Variants in DRC7 observed in about 807,000 individuals in gnomAD.
DRC7 encodes dynein regulatory complex subunit 7.
Under a neutral mutation model 104.4 loss-of-function variants are expected in DRC7, and 80 were observed. The observed-to-expected ratio is 0.77, with a 90% confidence interval of 0.64 to 0.92. The LOEUF is 0.92. DRC7 is among the 40% of genes least tolerant of loss of function. The probability of loss-of-function intolerance (pLI) is 0.00; values close to 1 mark genes in which losing one functional copy is unlikely to be tolerated. For missense variants in DRC7, 1,034 were observed against 1,141.1 expected, an observed-to-expected ratio of 0.91 and a Z score of 1.35; for synonymous variants, 405 against 447.3, an observed-to-expected ratio of 0.91 and a Z score of 1.19.
chr16:57,730,787 A>T (rs2049052936), intron 17 of DRC7, 144 bp from the exon 18 acceptor site: 4 of 795,510 alleles, frequency 5.0e-6, no homozygotes, highest in Non-Finnish European at 8.0e-6. Flanking sequence ...CCTCTGTGGC[A>T]GGTATGGATA....
At position 57,718,433 on chromosome 16, in the gene DRC7, AGAC is replaced by A; in HGVS notation, c.1168_1170del (p.Asp390del). The A allele has an allele frequency of 3.7e-6, 6 of 1,614,168 alleles. No individual in the cohort carries two copies. The highest frequency in any genetic ancestry group is 5.1e-6 in the Non-Finnish European group (6 of 1,180,004). Reference sequence around the variant, plus strand: ...AGTCTCAGCTGTCCTTGACTGAAGAAGACGACAGTGGGATAAACGATGAGGATG... The same window carrying A: ...AGTCTCAGCTGTCCTTGACTGAAGAAGACAGTGGGATAAACGATGAGGATG... On this transcript the variant is annotated inframe_deletion, in exon 9 of 19. Coordinates refer to ENST00000360716, the MANE Select transcript of DRC7 (RefSeq NM_001289162.2).
At chr16:57,707,025 C>T (rs1028020595) in intron 7 of DRC7, among the ~76,000 whole-genome samples, 9 of 152,172 alleles carry the variant, frequency 5.9e-5, no homozygotes, top group Non-Finnish European at 1.2e-4. Flanking sequence ...TCTTTCCTTT[C>T]CTTCCATAGA....
At chr16:57,718,510 G>T (rs1243731525) in intron 9 of DRC7, 35 bp downstream of exon 9, 7 of 1,610,808 alleles carry the variant, frequency 4.3e-6, no homozygotes. Context: ...CAGGGAATGT[G>T]TGTGAAGGCT....
chr16:57,704,796 G>A, intron 6 of DRC7, 80 bp from the exon 7 acceptor site: 1 of 1,530,050 alleles, frequency 6.5e-7, no homozygotes, highest in Non-Finnish European at 8.9e-7. Context: ...GGACTGGCTG[G>A]GCGGGTCTCA....
At position 57,707,556 on chromosome 16, in the gene DRC7, T is replaced by C. The variant is rs1302692501; in HGVS notation, c.955T>C (p.Phe319Leu). ...GAAGCGCGAGGTGCCTGAGAACTTC[T>C]TCATCGACCCATTCACAGGACATAG... is the stretch of plus-strand genomic sequence containing the variant. ...SGKREVPENF[F>L]IDPFTGHSYS... The change falls in exon 8 of 19, where the codon TTC (phenylalanine) becomes CTC (leucine). Residue 319 changes from phenylalanine to leucine, a missense_variant. Transcript: ENST00000360716. 6.2e-7 allele frequency: 1 copy of C among 1,613,464 alleles called. No homozygotes were observed. The highest frequency in any genetic ancestry group is 1.3e-5 in the African/African-American group (1 of 74,934).
At chr16:57,718,647 T>C (rs1366842019) in intron 9 of DRC7, among the ~76,000 whole-genome samples, 172 bp downstream of exon 9, 3 of 152,262 alleles carry the variant, frequency 2.0e-5, no homozygotes, top group Non-Finnish European at 2.9e-5. Context: ...GATGGGCACA[T>C]TGAGGCCCAG....
rs146987511 is a variant in DRC7, at chr16:57,721,740, G to T, written c.1279+1G>T. 1.2e-6 allele frequency: 2 copies of T among 1,612,502 alleles called. No individual in the cohort carries two copies. Among genetic ancestry groups the T allele is most frequent in the Non-Finnish European group, 1.7e-6 (2 of 1,178,752 alleles). ...GAGCAGATTGAGATCTCCCCGGAAGGTATTTTCTATTTGTGTATTCACTTA... is the reference window on the plus strand; with the variant it reads ...GAGCAGATTGAGATCTCCCCGGAAGTTATTTTCTATTTGTGTATTCACTTA... On this transcript the variant is annotated splice_donor_variant, in intron 10 of 18. Transcript: ENST00000360716. LOFTEE classifies it high-confidence loss of function.
chr16:57,703,264 A>G (rs2048678998), intron 6 of DRC7, among the ~76,000 whole-genome samples: 1 of 150,896 alleles, frequency 6.6e-6, no homozygotes, highest in Admixed American at 6.6e-5. Context: ...GTGTTTTTAG[A>G]TCTGCTCATT....
At chr16:57,712,346 C>T (rs2048798323) in intron 8 of DRC7, among the ~76,000 whole-genome samples, 1 of 152,124 alleles carries the variant, frequency 6.6e-6, no homozygotes, top group East Asian at 1.9e-4. Flanking sequence ...GAGTGGTAAC[C>T]TCTGGTTCAC....
chr16:57,715,173 G>A (rs1291266549), intron 8 of DRC7, among the ~76,000 whole-genome samples: 1 of 152,136 alleles, frequency 6.6e-6, no homozygotes, highest in Non-Finnish European at 1.5e-5. Context: ...TCAGCCTCCT[G>A]AGTAGCTGGG....
At chr16:57,703,314 A>T (rs2048679304) in intron 6 of DRC7, among the ~76,000 whole-genome samples, 1 of 152,200 alleles carries the variant, frequency 6.6e-6, no homozygotes, top group African/African-American at 2.4e-5. Flanking sequence ...CAGACACAAG[A>T]AATACTCTGG....
At position 57,707,537 on chromosome 16, in the gene DRC7, C is replaced by T. The variant is rs368181149; in HGVS notation, c.936C>T (p.Arg312=). 38 of 1,613,344 alleles carry T rather than the reference C, an allele frequency of 2.4e-5. No individual in the cohort carries two copies. The highest frequency in any genetic ancestry group is 5.3e-5 in the African/African-American group (4 of 74,926). Residue 312 remains arginine (R), a synonymous_variant, in exon 8 of 19, where the codon CGC becomes CGT. Coordinates refer to ENST00000360716, the MANE Select transcript of DRC7 (RefSeq NM_001289162.2). ...HSWVLVLSGK[R]EVPENFFIDP... ...GGGTCCTTGTGCTATCGGGGAAGCG[C>T]GAGGTGCCTGAGAACTTCTTCATCG...
intron 7 of DRC7, among the ~76,000 whole-genome samples, chr16:57,706,023 TCCATCCTCCCATCCAC>T (rs1320101549): frequency 2.0e-5 from 2 of 102,506 alleles, no homozygotes; most frequent in South Asian, 3.9e-4. Flanking sequence ...CTCCCATCCA[TCCATCCTCCCATCCAC>T]CCATCCTCCC....
intron 17 of DRC7, 55 bp from the exon 18 acceptor site, chr16:57,730,876 C>T (rs745811618): frequency 1.6e-5 from 25 of 1,593,158 alleles, no homozygotes; most frequent in Non-Finnish European, 2.1e-5. Context: ...AGCCTGCAGC[C>T]TGGGTGAAGG....
At chr16:57,699,141 C>A in intron 4 of DRC7, 117 bp downstream of exon 4, 2 of 1,244,762 alleles carry the variant, frequency 1.6e-6, no homozygotes, top group Non-Finnish European at 2.2e-6. Context: ...CTCCTGTGGG[C>A]CAGAGCGCTT....
chr16:57,730,644 G>C (rs2049050544), intron 17 of DRC7, among the ~76,000 whole-genome samples: 1 of 152,086 alleles, frequency 6.6e-6, no homozygotes, highest in South Asian at 2.1e-4. Flanking sequence ...AGAAATTGCA[G>C]GTTCTGAAAA....
At chr16:57,721,782 T>A in intron 10 of DRC7, 43 bp downstream of exon 10, 1 of 1,503,548 alleles carries the variant, frequency 6.7e-7, no homozygotes, top group Non-Finnish European at 9.2e-7. Context: ...CCAGATCCAG[T>A]TCCTGGGCCT....
intron 12 of DRC7, among the ~76,000 whole-genome samples, chr16:57,723,378 C>T (rs556790345): frequency 1.3e-5 from 2 of 152,286 alleles, no homozygotes; most frequent in East Asian, 1.9e-4. Flanking sequence ...GCCACATACC[C>T]GTTCTGTGGT....
chr16:57,696,913 T>C (rs1359999503), intron 2 of DRC7, among the ~76,000 whole-genome samples: 1 of 152,134 alleles, frequency 6.6e-6, no homozygotes, highest in African/African-American at 2.4e-5. Context: ...AACCAATCTA[T>C]TTATTTATTA....
Sources: allele counts gnomAD v4.1 joint callset (sites outside exome capture counted in the v4.1 genomes callset), GRCh38; gene constraint gnomAD v4.1.1; transcripts MANE v1.5; gene names NCBI Gene and HGNC (gene_info 2026-07-23, HGNC 2026-07-21).